The following DGKB variants were observed in gnomAD, a reference collection of about 807,000 sequenced individuals.
The protein encoded by DGKB is diacylglycerol kinase beta.
DGKB carries 67 observed loss-of-function variants against 114.3 expected under a neutral mutation model. The ratio of observed to expected loss-of-function variants is 0.59; its 90% CI spans 0.48 to 0.72. The LOEUF is 0.72. Among genes scored for constraint, DGKB ranks in the 30% least tolerant of loss-of-function variants. DGKB has a pLI of 0.00. For missense variants in DGKB, 907 were observed against 975.2 expected (o/e 0.93, Z 0.93); for synonymous variants, 398 against 323.1 (o/e 1.23, Z -2.49).
intron 1 of DGKB, among the ~76,000 whole-genome samples, chr7:14,914,416 A>G (rs1264341703): frequency 1.3e-5 from 2 of 152,194 alleles, no homozygotes; most frequent in Non-Finnish European, 2.9e-5. Context: ...AACTAAGAAG[A>G]AGTTCTTTGG....
rs1850297654 is a variant in DGKB, at chr7:14,857,258, T to TGTGTGTGTGTG, written c.-187-15809_-187-15808insCACACACACAC. On this transcript the variant is annotated intron_variant, in intron 1 of 25. Coordinates refer to ENST00000402815, the MANE Select transcript of DGKB (RefSeq NM_001350709.2). The stretch of plus-strand genomic sequence containing the variant: ...CCACCCAACCCCCTGCTGTGTGTGT[T>TGTGTGTGTGTG]TGTGTGTGTGTGTGTGTGTGTTGCT... 1.6e-3 allele frequency among the ~76,000 whole-genome samples: 220 copies of TGTGTGTGTGTG among 138,354 alleles called. 2 individuals carry two copies. Among genetic ancestry groups the TGTGTGTGTGTG allele is most frequent in the African/African-American group, 5.3e-3 (198 of 37,268 alleles). The allele number at this position is 138,354 out of a possible 152,430, so 90.8% of individuals were successfully genotyped here.
chr7:14,281,811 A>G (rs1452383819), intron 23 of DGKB, among the ~76,000 whole-genome samples: 26 of 150,144 alleles, frequency 1.7e-4, no homozygotes, highest in South Asian at 1.1e-3. Context: ...CTTTGAAACC[A>G]ACGAGAACAA....
intron 21 of DGKB, among the ~76,000 whole-genome samples, chr7:14,430,305 G>A (rs1828266792): frequency 6.6e-6 from 1 of 152,046 alleles, no homozygotes; most frequent in South Asian, 2.1e-4. Context: ...AACAATGCTT[G>A]TTAGATTGTT....
intron 2 of DGKB, among the ~76,000 whole-genome samples, chr7:14,760,683 T>C (rs1380418924): frequency 6.6e-6 from 1 of 152,120 alleles, no homozygotes; most frequent in African/African-American, 2.4e-5. Flanking sequence ...AACCATATCT[T>C]AGGCCAATGA....
At chr7:14,367,851 G>A (rs927969353) in intron 21 of DGKB, among the ~76,000 whole-genome samples, 1 of 151,880 alleles carries the variant, frequency 6.6e-6, no homozygotes, top group African/African-American at 2.4e-5. Context: ...TTCAGATCTC[G>A]TGAGGACTCA....
chr7:14,278,745 T>C (rs1799406642), intron 23 of DGKB, among the ~76,000 whole-genome samples: 2 of 151,462 alleles, frequency 1.3e-5, no homozygotes, highest in Admixed American at 1.3e-4. Context: ...TGATAGGGAG[T>C]TAATAAGCAA....
intron 21 of DGKB, among the ~76,000 whole-genome samples, chr7:14,356,982 CT>C (rs755230086): frequency 2.6e-5 from 4 of 152,044 alleles, no homozygotes; most frequent in African/African-American, 4.8e-5. Flanking sequence ...TATTTCTGTT[CT>C]TTTACATTTG....
chr7:14,885,688 A>G (rs1854946919), intron 1 of DGKB, among the ~76,000 whole-genome samples: 1 of 151,950 alleles, frequency 6.6e-6, no homozygotes, highest in Non-Finnish European at 1.5e-5. Context: ...ATTTTGTACC[A>G]TGGACTGTGC....
At chr7:14,469,044 A>T (rs1490885097) in intron 21 of DGKB, among the ~76,000 whole-genome samples, 4 of 152,154 alleles carry the variant, frequency 2.6e-5, no homozygotes, top group Admixed American at 1.3e-4. Context: ...TATTTAAATT[A>T]GAGCATATAC....
intron 23 of DGKB, among the ~76,000 whole-genome samples, chr7:14,269,940 G>A (rs1478068454): frequency 6.7e-6 from 1 of 149,532 alleles, no homozygotes; most frequent in Non-Finnish European, 1.5e-5. Flanking sequence ...ATTAAGACAA[G>A]GAATTAATAA....
intron 20 of DGKB, among the ~76,000 whole-genome samples, chr7:14,483,891 G>C (rs564689868): frequency 6.6e-6 from 1 of 152,092 alleles, no homozygotes; most frequent in Non-Finnish European, 1.5e-5. Context: ...GGAGCACCTC[G>C]ATTTTAGTCC....
At chr7:14,514,425 T>A (rs1431400368) in intron 20 of DGKB, among the ~76,000 whole-genome samples, 1 of 152,150 alleles carries the variant, frequency 6.6e-6, no homozygotes, top group Non-Finnish European at 1.5e-5. Flanking sequence ...AACTCTAGAA[T>A]AATCAGTTGC....
At chr7:14,793,884 C>T (rs1841038840) in intron 2 of DGKB, among the ~76,000 whole-genome samples, 1 of 152,000 alleles carries the variant, frequency 6.6e-6, no homozygotes, top group Admixed American at 6.6e-5. Context: ...GTGAGCATTA[C>T]CCAATCCACT....
intron 1 of DGKB, among the ~76,000 whole-genome samples, chr7:14,900,283 G>C (rs763818263): frequency 6.6e-6 from 1 of 152,168 alleles, no homozygotes; most frequent in African/African-American, 2.4e-5. Flanking sequence ...GAATGCTATT[G>C]CTGGAAGAGA....
At chr7:14,372,683 A>G (rs1450150976) in intron 21 of DGKB, among the ~76,000 whole-genome samples, 1 of 152,046 alleles carries the variant, frequency 6.6e-6, no homozygotes, top group Non-Finnish European at 1.5e-5. Context: ...AATTATATTT[A>G]TATTTATTAA....
At chr7:14,344,776 C>T (rs1474608949) in intron 22 of DGKB, among the ~76,000 whole-genome samples, 1 of 150,896 alleles carries the variant, frequency 6.6e-6, no homozygotes, top group Non-Finnish European at 1.5e-5. Context: ...TATCTTTGCT[C>T]TCTTTCTTGG....
intron 19 of DGKB, 57 bp from the exon 20 acceptor site, chr7:14,574,429 AT>A: frequency 6.8e-7 from 1 of 1,478,458 alleles, no homozygotes. Flanking sequence ...AAAAAGCTGT[AT>A]TTTTATGTTT....
intron 21 of DGKB, among the ~76,000 whole-genome samples, chr7:14,411,105 C>A (rs749700358): frequency 2.6e-5 from 4 of 152,056 alleles, no homozygotes; most frequent in Non-Finnish European, 4.4e-5. Context: ...GGGTAAACAA[C>A]CAGTACTGTA....
At chr7:14,698,254 A>T (rs1824438230) in intron 7 of DGKB, 85 bp from the exon 8 acceptor site, 3 of 815,480 alleles carry the variant, frequency 3.7e-6, no homozygotes, top group Non-Finnish European at 3.8e-6. Flanking sequence ...GTTTTGTTCA[A>T]TGTGTAGCTA....
Sources: allele counts gnomAD v4.1 joint callset (sites outside exome capture counted in the v4.1 genomes callset), GRCh38; gene constraint gnomAD v4.1.1; transcripts MANE v1.5; gene names NCBI Gene and HGNC (gene_info 2026-07-23, HGNC 2026-07-21).